WDFY2: variants seen among roughly 807,000 people sequenced by gnomAD.
WDFY2 encodes WD repeat and FYVE domain-containing protein 2.
In WDFY2, 36 loss-of-function variants were observed where a neutral mutation model predicts 56.4. That is an observed-to-expected ratio of 0.64 (90% CI 0.49 to 0.84). The LOEUF is 0.84. Ranked by LOEUF, WDFY2 falls within the 40% of genes least tolerant of loss-of-function variation. WDFY2 has a pLI of 0.00. For missense variants in WDFY2, 444 were observed against 512.2 expected (o/e 0.87, Z 1.29); for synonymous variants, 176 against 183.7 (o/e 0.96, Z 0.34).
intron 2 of WDFY2, among the ~76,000 whole-genome samples, chr13:51,670,489 GCACACACACACACACACACACA>G (rs55984632): frequency 6.8e-5 from 9 of 131,420 alleles, no homozygotes; most frequent in African/African-American, 1.7e-4. Context: ...GTGCGCACAT[GCACACACACACACACACACACA>G]CACACACACA....
At chr13:51,617,278 A>G (rs938872739) in intron 1 of WDFY2, among the ~76,000 whole-genome samples, 1 of 152,110 alleles carries the variant, frequency 6.6e-6, no homozygotes, top group African/African-American at 2.4e-5. Context: ...GGGAAGTTTC[A>G]TTCCATTATG....
At chr13:51,669,226 CTT>C (rs1276413006) in intron 2 of WDFY2, among the ~76,000 whole-genome samples, 5 of 152,108 alleles carry the variant, frequency 3.3e-5, no homozygotes, top group Non-Finnish European at 7.4e-5. Flanking sequence ...TAGAGCTTCT[CTT>C]TGTTTTGATT....
intron 2 of WDFY2, among the ~76,000 whole-genome samples, chr13:51,666,452 G>A (rs1275978837): frequency 6.6e-6 from 1 of 152,206 alleles, no homozygotes; most frequent in Non-Finnish European, 1.5e-5. Flanking sequence ...GCCTACTGGT[G>A]TGGTCTAAAT....
chr13:51,653,239 G>T (rs889701229), intron 1 of WDFY2, among the ~76,000 whole-genome samples: 2 of 152,094 alleles, frequency 1.3e-5, no homozygotes, highest in Non-Finnish European at 2.9e-5. Context: ...TTCTCGTGCC[G>T]TGGTTTTCAG....
chr13:51,629,822 T>C (rs1381243639), intron 1 of WDFY2, among the ~76,000 whole-genome samples: 1 of 32,444 alleles, frequency 3.1e-5, no homozygotes, highest in African/African-American at 8.9e-5. Context: ...TCTTTCTTTC[T>C]TTTCTTTTTT....
At chr13:51,600,310 C>T (rs1000430501) in intron 1 of WDFY2, among the ~76,000 whole-genome samples, 13 of 152,288 alleles carry the variant, frequency 8.5e-5, no homozygotes, top group Non-Finnish European at 1.8e-4. Flanking sequence ...TCTGGCATTT[C>T]CTGGTAGGAG....
At chr13:51,682,321 T>A (rs962628158) in intron 3 of WDFY2, among the ~76,000 whole-genome samples, 2 of 152,192 alleles carry the variant, frequency 1.3e-5, no homozygotes, top group African/African-American at 2.4e-5. Flanking sequence ...CTAAATAATC[T>A]ATCTCCCCTG....
rs946439947 is a variant in WDFY2, at chr13:51,643,024, A to C, written c.138-17572A>C. 9.9e-5 allele frequency among the ~76,000 whole-genome samples: 15 copies of C among 152,154 alleles called. No homozygotes were observed. The East Asian group carries it at 2.9e-3, about 29-fold the overall frequency. Reference sequence around the variant, plus strand: ...CTGCACCTTTGGCAACTCTATGAAGACTACAGTTGTGGAGAGAGAGAATCA... The same window carrying C: ...CTGCACCTTTGGCAACTCTATGAAGCCTACAGTTGTGGAGAGAGAGAATCA... On this transcript the variant is annotated intron_variant, in intron 1 of 11. Transcript: ENST00000298125.
chr13:51,595,203 C>T (rs1954122874), intron 1 of WDFY2, among the ~76,000 whole-genome samples: 1 of 152,172 alleles, frequency 6.6e-6, no homozygotes, highest in Non-Finnish European at 1.5e-5. Context: ...CTTGTCCCCA[C>T]TGGTCTCCTG....
chr13:51,665,262 C>T (rs907332511), intron 2 of WDFY2, among the ~76,000 whole-genome samples: 13 of 152,128 alleles, frequency 8.5e-5, no homozygotes, highest in African/African-American at 2.9e-4. Context: ...AAGAATATCC[C>T]CTTGGTGTAT....
At chr13:51,717,580 G>A (rs1468434651) in intron 4 of WDFY2, among the ~76,000 whole-genome samples, 2 of 151,746 alleles carry the variant, frequency 1.3e-5, no homozygotes, top group Non-Finnish European at 2.9e-5. Flanking sequence ...AGGTGTTAGG[G>A]GCCACTTTCT....
chr13:51,620,447 T>G (rs1256213470), intron 1 of WDFY2, among the ~76,000 whole-genome samples: 1 of 152,042 alleles, frequency 6.6e-6, no homozygotes, highest in African/African-American at 2.4e-5. Flanking sequence ...CCACTTCACT[T>G]CATCTCTCAT....
At chr13:51,617,791 T>C (rs920473517) in intron 1 of WDFY2, among the ~76,000 whole-genome samples, 2 of 152,224 alleles carry the variant, frequency 1.3e-5, no homozygotes, top group African/African-American at 4.8e-5. Flanking sequence ...CCTGCTTTAT[T>C]TGAGATGCGG....
chr13:51,647,323 GAT>G (rs1347705116), intron 1 of WDFY2, among the ~76,000 whole-genome samples: 1 of 152,160 alleles, frequency 6.6e-6, no homozygotes, highest in Non-Finnish European at 1.5e-5. Context: ...TAGGCTGTAT[GAT>G]ATATATAGCC....
intron 1 of WDFY2, among the ~76,000 whole-genome samples, chr13:51,652,163 C>G (rs1430773431): frequency 6.6e-6 from 1 of 150,946 alleles, no homozygotes; most frequent in East Asian, 1.9e-4. Flanking sequence ...ATGTAATGGC[C>G]TTCTTTGTCT....
chr13:51,655,367 T>A lies in WDFY2; in HGVS notation c.138-5229T>A, dbSNP rs1955488863. On this transcript the variant is annotated intron_variant, in intron 1 of 11. Coordinates refer to ENST00000298125, the MANE Select transcript of WDFY2 (RefSeq NM_052950.4). ...CCTTTATTAGATTAAGGAAATTTTCTTCTATTCCTAGTATGCTATGTTTTT... is the reference window on the plus strand; with the variant it reads ...CCTTTATTAGATTAAGGAAATTTTCATCTATTCCTAGTATGCTATGTTTTT... Among the ~76,000 whole-genome samples the A allele has an allele frequency of 2.6e-5, 4 of 152,174 alleles. No homozygotes were observed. The South Asian group carries it at 8.3e-4, about 31-fold the overall frequency.
chr13:51,592,178 A>G (rs1363359943), intron 1 of WDFY2: 1 of 152,172 alleles, frequency 6.6e-6, no homozygotes, highest in Non-Finnish European at 1.5e-5. Context: ...TTAGGAATGT[A>G]CCAAATTGAG....
Position 51,764,240 on chromosome 13 carries a change from C to G in WDFY2, c.*4471C>G, listed in dbSNP as rs1953677418. 1 of 152,188 alleles carries G rather than the reference C, an allele frequency of 6.6e-6. No homozygotes were observed. The highest frequency in any genetic ancestry group is 2.1e-4 in the South Asian group (1 of 4,830). The allele number at this position is 152,188 out of a possible 1,614,324, so 9.4% of individuals were successfully genotyped here. ...CAGTGCAAGGTGTCTGAGGCCCATTCTCAGGCTGGGCAGAGGTCACACAGT... is the reference window on the plus strand; with the variant it reads ...CAGTGCAAGGTGTCTGAGGCCCATTGTCAGGCTGGGCAGAGGTCACACAGT... On this transcript the variant is annotated 3_prime_UTR_variant, in exon 12 of 12. Transcript: ENST00000298125.
chr13:51,692,002 A>C (rs1165226463), intron 3 of WDFY2, among the ~76,000 whole-genome samples: 8 of 151,468 alleles, frequency 5.3e-5, no homozygotes, highest in Non-Finnish European at 1.2e-4. Context: ...TTTGTCTGTT[A>C]TTGGTGTATA....
Sources: allele counts gnomAD v4.1 joint callset (sites outside exome capture counted in the v4.1 genomes callset), GRCh38; gene constraint gnomAD v4.1.1; transcripts MANE v1.5; gene names NCBI Gene and HGNC (gene_info 2026-07-23, HGNC 2026-07-21).